CALD1: variants seen among roughly 807,000 people sequenced by gnomAD.
CALD1 encodes the protein caldesmon 1.
Under a neutral mutation model 99.9 loss-of-function variants are expected in CALD1, and 33 were observed. The ratio of observed to expected loss-of-function variants is 0.33; its 90% CI spans 0.25 to 0.44. The LOEUF is 0.44. Among genes scored for constraint, CALD1 ranks in the 20% least tolerant of loss-of-function variants. The pLI, the probability that CALD1 is intolerant of heterozygous loss-of-function variation, is 1.00. For missense variants in CALD1, 861 were observed against 962.1 expected (o/e 0.89, Z 1.39); for synonymous variants, 310 against 325.0 (o/e 0.95, Z 0.50).
chr7:134,804,445 ACTT>A (rs71172477), intron 1 of CALD1, among the ~76,000 whole-genome samples: 4,747 of 152,276 alleles, frequency 0.031, 102 homozygotes, highest in Non-Finnish European at 0.048. Flanking sequence ...TTTTCTGGAA[ACTT>A]CTTGGCATTT....
intron 1 of CALD1, among the ~76,000 whole-genome samples, chr7:134,814,050 A>C (rs1250533014): frequency 6.6e-6 from 1 of 152,152 alleles, no homozygotes; most frequent in African/African-American, 2.4e-5. Context: ...TAAAACCAGG[A>C]GCTAACATCT....
At position 134,805,000 on chromosome 7, in the gene CALD1, G is replaced by A. The variant is rs144811001; in HGVS notation, c.-130+25251G>A. Among the ~76,000 whole-genome samples, 58 of 152,324 alleles carry A rather than the reference G, an allele frequency of 3.8e-4. 1 individual carries two copies. In the East Asian group the frequency reaches 6.7e-3, roughly 18 times the overall value. On this transcript the variant is annotated intron_variant, in intron 1 of 14. Transcript: ENST00000361675. ...TTGGTGGGTAGGGGGCCAGTGAGTT[G>A]GGAGTGCTGATTGGTCGGGTCGGAG...
At chr7:134,849,495 T>C (rs1799989011) in intron 2 of CALD1, among the ~76,000 whole-genome samples, 1 of 152,250 alleles carries the variant, frequency 6.6e-6, no homozygotes, top group South Asian at 2.1e-4. Flanking sequence ...TCGTATACTT[T>C]AAATCATCTC....
the CALD1 span, among the ~76,000 whole-genome samples, chr7:134,726,298 A>T: frequency 6.7e-6 from 1 of 148,354 alleles, no homozygotes; most frequent in African/African-American, 2.4e-5. Flanking sequence ...AAGCATATAT[A>T]AATATATAAG....
chr7:134,862,350 G>A, intron 2 of CALD1, among the ~76,000 whole-genome samples: 1 of 152,164 alleles, frequency 6.6e-6, no homozygotes, highest in South Asian at 2.1e-4. Context: ...TCACAGATCT[G>A]TTACCCAGAT....
At chr7:134,910,692 C>A (rs2132696199) in intron 3 of CALD1, among the ~76,000 whole-genome samples, 1 of 152,204 alleles carries the variant, frequency 6.6e-6, no homozygotes, top group East Asian at 1.9e-4. Flanking sequence ...AGGCCAAAGT[C>A]CACAGTCTCA....
chr7:134,715,372 C>G, the CALD1 span, among the ~76,000 whole-genome samples: 4 of 152,174 alleles, frequency 2.6e-5, no homozygotes, highest in African/African-American at 9.7e-5. Flanking sequence ...CTGCTATAAT[C>G]TGTCCCTGAA....
chr7:134,747,209 A>G (rs1796642281), intron 1 of CALD1, among the ~76,000 whole-genome samples: 1 of 152,196 alleles, frequency 6.6e-6, no homozygotes, highest in East Asian at 1.9e-4. Context: ...AAGATAGAAG[A>G]AGTGACTCAA....
the CALD1 span, among the ~76,000 whole-genome samples, chr7:134,729,466 A>G: frequency 6.6e-6 from 1 of 152,240 alleles, no homozygotes; most frequent in Non-Finnish European, 1.5e-5. Flanking sequence ...CACAGGGCAC[A>G]GGGCAGGTAA....
intron 1 of CALD1, among the ~76,000 whole-genome samples, chr7:134,835,650 G>GTGA (rs1373261412): frequency 1.3e-5 from 2 of 152,074 alleles, no homozygotes; most frequent in African/African-American, 4.8e-5. Flanking sequence ...TAATCCGATC[G>GTGA]TGATGACGTG....
At chr7:134,873,602 A>G (rs1400946893) in intron 3 of CALD1, among the ~76,000 whole-genome samples, 1 of 152,256 alleles carries the variant, frequency 6.6e-6, no homozygotes, top group Non-Finnish European at 1.5e-5. Flanking sequence ...TTTTTGCTCT[A>G]TATGAATGAG....
At chr7:134,803,156 T>A (rs1236203161) in intron 1 of CALD1, among the ~76,000 whole-genome samples, 2 of 152,200 alleles carry the variant, frequency 1.3e-5, no homozygotes, top group Admixed American at 1.3e-4. Flanking sequence ...TTCGGCATAT[T>A]TTTTGTTCTT....
upstream of CALD1, among the ~76,000 whole-genome samples, chr7:134,741,197 T>A (rs556610015): frequency 6.6e-6 from 1 of 152,254 alleles, no homozygotes; most frequent in South Asian, 2.1e-4. Flanking sequence ...TGACTCACAG[T>A]TCCATAAGGC....
upstream of CALD1, among the ~76,000 whole-genome samples, chr7:134,741,101 T>A (rs10808277): frequency 0.59 from 89,702 of 151,988 alleles, 27,166 homozygotes; most frequent in East Asian, 0.86. Context: ...TATCTGCCCA[T>A]TTGAGCTTTG....
intron 3 of CALD1, among the ~76,000 whole-genome samples, chr7:134,901,249 C>T (rs753430803): frequency 4.6e-5 from 7 of 151,140 alleles, no homozygotes; most frequent in Admixed American, 2.0e-4. Context: ...AGACTATTGA[C>T]GTCAAAATCC....
intron 3 of CALD1, among the ~76,000 whole-genome samples, chr7:134,885,861 A>C (rs562264039): frequency 3.0e-4 from 45 of 152,160 alleles, no homozygotes; most frequent in African/African-American, 1.0e-3. Context: ...TATCGTTTTC[A>C]CCGAGACCAG....
intron 14 of CALD1, among the ~76,000 whole-genome samples, chr7:134,968,014 T>C (rs1049926036): frequency 6.6e-6 from 1 of 151,804 alleles, no homozygotes; most frequent in African/African-American, 2.4e-5. Flanking sequence ...GGCGTGGTGG[T>C]GTATGCCCGT....
intron 1 of CALD1, among the ~76,000 whole-genome samples, chr7:134,819,365 C>G (rs898369338): frequency 2.0e-5 from 3 of 152,178 alleles, no homozygotes; most frequent in African/African-American, 7.2e-5. Flanking sequence ...CTGATACCCT[C>G]TCCAGAGCAG....
At chr7:134,867,844 A>G (rs1283437244) in intron 3 of CALD1, 40 bp downstream of exon 3, 2 of 1,346,820 alleles carry the variant, frequency 1.5e-6, no homozygotes, top group Non-Finnish European at 1.0e-6. Context: ...TTCCCTTATT[A>G]ACAACCTTGG....
Sources: gnomAD v4.1 joint callset for allele counts (sites outside exome capture counted in the v4.1 genomes callset) on GRCh38, gnomAD v4.1.1 for gene constraint, MANE v1.5 for transcripts, NCBI Gene and HGNC (gene_info 2026-07-23, HGNC 2026-07-21) for gene names.